The following KCNIP4 variants were observed in gnomAD, a reference collection of about 807,000 sequenced individuals.
KCNIP4 encodes the protein Kv channel-interacting protein 4.
KCNIP4 carries 12 observed loss-of-function variants against 34.0 expected under a neutral mutation model. The observed-to-expected ratio is 0.35, with a 90% CI of 0.23 to 0.57. The LOEUF (loss-of-function observed/expected upper bound fraction) is 0.57, where lower values mean the gene tolerates loss of function less well. Ranked by LOEUF, KCNIP4 falls within the 20% of genes least tolerant of loss-of-function variation. KCNIP4 has a pLI of 0.83. For synonymous variants in KCNIP4, 124 were observed against 102.2 expected, an observed-to-expected ratio of 1.21 and a Z score of -1.29; for missense variants, 238 against 311.7, an observed-to-expected ratio of 0.76 and a Z score of 1.78.
chr4:21,105,743 A>G (rs1427800749), intron 1 of KCNIP4, among the ~76,000 whole-genome samples: 1 of 151,516 alleles, frequency 6.6e-6, no homozygotes, highest in Non-Finnish European at 1.5e-5. Flanking sequence ...TGTCATAGAT[A>G]GCTCTTATTA....
In KCNIP4 at chr4:21,929,528, C is replaced by T. The variant is rs542239182; in HGVS notation, c.61+19043G>A. Among the ~76,000 whole-genome samples the T allele has an allele frequency of 3.9e-4, 60 of 152,210 alleles. No homozygotes were observed. The South Asian group carries it at 6.2e-3, about 16-fold the overall frequency. ...AATAGTTCTTTCTATTGTGCTTTTACGCCATCGTTCTCCACTACTCAACCA... is the reference window on the plus strand; with the variant it reads ...AATAGTTCTTTCTATTGTGCTTTTATGCCATCGTTCTCCACTACTCAACCA... On this transcript the variant is annotated intron_variant, in intron 1 of 8. Coordinates refer to ENST00000382152, the MANE Select transcript of KCNIP4 (RefSeq NM_025221.6).
chr4:20,869,083 C>T (rs1368473312), intron 2 of KCNIP4, among the ~76,000 whole-genome samples: 1 of 152,042 alleles, frequency 6.6e-6, no homozygotes, highest in Non-Finnish European at 1.5e-5. Context: ...AGAAAGTAGG[C>T]AGTACACAGA....
chr4:21,941,268 T>G (rs956079243), intron 1 of KCNIP4, among the ~76,000 whole-genome samples: 2 of 152,068 alleles, frequency 1.3e-5, no homozygotes, highest in African/African-American at 2.4e-5. Context: ...TATGTAACAA[T>G]GTACAAACAG....
intron 1 of KCNIP4, among the ~76,000 whole-genome samples, chr4:21,816,326 T>C (rs1027313327): frequency 3.3e-5 from 5 of 152,138 alleles, no homozygotes; most frequent in African/African-American, 1.2e-4. Context: ...GGACATGTGA[T>C]TAAACATTAT....
At chr4:21,272,950 G>A (rs1762239875) in intron 1 of KCNIP4, among the ~76,000 whole-genome samples, 2 of 151,972 alleles carry the variant, frequency 1.3e-5, no homozygotes, top group Admixed American at 6.6e-5. Context: ...CGTCTTTGTT[G>A]AGATGAAGCA....
intron 1 of KCNIP4, among the ~76,000 whole-genome samples, chr4:21,266,142 C>T (rs1761793675): frequency 6.6e-6 from 1 of 152,188 alleles, no homozygotes; most frequent in Non-Finnish European, 1.5e-5. Context: ...AGTCTTTCCA[C>T]ATGTACAGAG....
intron 4 of KCNIP4, among the ~76,000 whole-genome samples, chr4:20,751,650 CATAA>C (rs1372694077): frequency 6.6e-6 from 1 of 152,028 alleles, no homozygotes; most frequent in Non-Finnish European, 1.5e-5. Context: ...CAGTACTCAC[CATAA>C]ATAATGGCTC....
At chr4:21,525,781 T>C (rs1450597352) in intron 1 of KCNIP4, among the ~76,000 whole-genome samples, 1 of 152,140 alleles carries the variant, frequency 6.6e-6, no homozygotes, top group Non-Finnish European at 1.5e-5. Flanking sequence ...TATATACAAC[T>C]GAAATAATTA....
chr4:21,516,229 T>C (rs1411124660), intron 1 of KCNIP4, among the ~76,000 whole-genome samples: 1 of 152,174 alleles, frequency 6.6e-6, no homozygotes, highest in Non-Finnish European at 1.5e-5. Context: ...TCCCCCTTTG[T>C]TGTCCCACGA....
chr4:21,611,851 C>T (rs1503994), intron 1 of KCNIP4, among the ~76,000 whole-genome samples: 27,330 of 151,970 alleles, frequency 0.18, 2,601 homozygotes, highest in South Asian at 0.26. Context: ...AGGTACAAGA[C>T]CAACTATGGA....
intron 1 of KCNIP4, among the ~76,000 whole-genome samples, chr4:21,498,409 G>T (rs1733025141): frequency 6.6e-6 from 1 of 152,046 alleles, no homozygotes; most frequent in Admixed American, 6.6e-5. Flanking sequence ...GTTTTCTCTT[G>T]TCCATTTGGG....
chr4:20,984,188 A>C, intron 1 of KCNIP4: 1 of 453,836 alleles, frequency 2.2e-6, no homozygotes, highest in Non-Finnish European at 3.9e-6. Flanking sequence ...TCTCCACTCT[A>C]TGCTGCAGCC....
chr4:21,177,851 A>C (rs1754530414), intron 1 of KCNIP4, among the ~76,000 whole-genome samples: 1 of 142,710 alleles, frequency 7.0e-6, no homozygotes, highest in South Asian at 2.1e-4. Flanking sequence ...ATGTCTCAAA[A>C]AAAAAATTAT....
chr4:21,716,480 G>A (rs941084152), intron 1 of KCNIP4, among the ~76,000 whole-genome samples: 9 of 151,834 alleles, frequency 5.9e-5, no homozygotes, highest in Non-Finnish European at 1.3e-4. Flanking sequence ...TCAGGTAATC[G>A]CCCACCTTGA....
intron 3 of KCNIP4, among the ~76,000 whole-genome samples, chr4:20,787,113 C>T (rs2149399727): frequency 6.6e-6 from 1 of 152,208 alleles, no homozygotes; most frequent in South Asian, 2.1e-4. Flanking sequence ...GCAAAGGGGC[C>T]CTTCTGAGAT....
intron 1 of KCNIP4, among the ~76,000 whole-genome samples, chr4:21,308,709 TGA>T (rs199886931): frequency 1.0e-5 from 1 of 95,402 alleles, no homozygotes; most frequent in East Asian, 2.5e-4. Context: ...CCCTGCCGTG[TGA>T]GTGTGTGTGT....
chr4:20,994,563 G>A (rs568533376), intron 1 of KCNIP4, among the ~76,000 whole-genome samples: 72 of 152,260 alleles, frequency 4.7e-4, no homozygotes, highest in African/African-American at 1.6e-3. Flanking sequence ...TGATCAGACC[G>A]AGGGACACTC....
chr4:20,961,246 T>G (rs1455493632), intron 1 of KCNIP4, among the ~76,000 whole-genome samples: 1 of 152,204 alleles, frequency 6.6e-6, no homozygotes, highest in African/African-American at 2.4e-5. Context: ...TTTGGATTAC[T>G]TAACAAACAA....
rs536748545 is a variant in KCNIP4 at position 20,752,124 on chromosome 4, T to C, written c.359-2392A>G. Among the ~76,000 whole-genome samples the C allele has an allele frequency of 3.4e-5, 5 of 146,184 alleles. No homozygotes were observed. The South Asian group carries it at 1.1e-3, about 33-fold the overall frequency. Reference sequence around the variant, plus strand: ...CCCAGGCTGGAGTGCAATGGCACGATCTCGGGTCACTGCAGCCTCCACCTC... The same window carrying C: ...CCCAGGCTGGAGTGCAATGGCACGACCTCGGGTCACTGCAGCCTCCACCTC... On this transcript the variant is annotated intron_variant, in intron 4 of 8. Coordinates refer to ENST00000382152, the MANE Select transcript of KCNIP4 (RefSeq NM_025221.6).
Sources: gnomAD v4.1 joint callset for allele counts (sites outside exome capture counted in the v4.1 genomes callset) on GRCh38, gnomAD v4.1.1 for gene constraint, MANE v1.5 for transcripts, NCBI Gene and HGNC (gene_info 2026-07-23, HGNC 2026-07-21) for gene names.